The following PPP1R11 variants were observed in gnomAD, a reference collection of about 807,000 sequenced individuals.
PPP1R11 encodes the protein E3 ubiquitin-protein ligase PPP1R11.
PPP1R11 carries 10 observed loss-of-function variants against 11.3 expected under a neutral mutation model. That is an observed-to-expected ratio of 0.88 (90% CI 0.55 to 1.50). The LOEUF (loss-of-function observed/expected upper bound fraction) is 1.50, where lower values mean the gene tolerates loss of function less well. Among genes scored for constraint, PPP1R11 ranks in the 40% most tolerant of loss-of-function variants. The pLI, the probability that PPP1R11 is intolerant of heterozygous loss-of-function variation, is 0.00. For missense variants in PPP1R11, 114 were observed against 179.1 expected (o/e 0.64, Z 2.07); for synonymous variants, 56 against 62.3 (o/e 0.90, Z 0.48).
chr6:30,067,212 C>T lies in PPP1R11; in HGVS notation c.-199C>T. On this transcript the variant is annotated 5_prime_UTR_variant, in exon 1 of 3. Coordinates refer to ENST00000376772, the MANE Select transcript of PPP1R11 (RefSeq NM_021959.3). ...CTGCAGTATGCGTCACACCCGGAAG[C>T]GGCGAGCCGGAAGTGGGGTTAGCCA... is the stretch of plus-strand genomic sequence containing the variant. 1 of 540,904 alleles carries T rather than the reference C, an allele frequency of 1.8e-6. No individual in the cohort carries two copies. The allele number at this position is 540,904 out of a possible 1,614,324, so 33.5% of individuals were successfully genotyped here.
chr6:30,062,394 T>G, upstream of PPP1R11: 1 of 1,234,898 alleles, frequency 8.1e-7, no homozygotes, highest in East Asian at 2.4e-5. Flanking sequence ...ATCCAGTGAT[T>G]TATTTTTTTG....
rs1320901390 is a variant in PPP1R11, at chr6:30,068,499, T to C, written c.70-91T>C. The C allele has an allele frequency of 5.8e-6, 6 of 1,029,730 alleles. No homozygotes were observed. In the Admixed American group the frequency reaches 7.9e-5, roughly 14 times the overall value. 63.8% of individuals were successfully genotyped at this position (1,029,730 alleles called of 1,614,324 possible). On this transcript the variant is annotated intron_variant, in intron 1 of 2. Coordinates refer to ENST00000376772, the MANE Select transcript of PPP1R11 (RefSeq NM_021959.3). The stretch of plus-strand genomic sequence containing the variant: ...GCTATGCCTATGGTACTGATTGAGC[T>C]AAAGAAGAAAAGAGAGGAGGTTCCC...
At chr6:30,061,812 A>G (rs1336652703), upstream of PPP1R11, 12 of 1,550,024 alleles carry the variant, frequency 7.7e-6, no homozygotes, top group Non-Finnish European at 1.1e-5. The surrounding 1 kb of genome is among the most constrained non-coding windows in gnomAD (Gnocchi z 5.0). Context: ...AAACTGAGGG[A>G]AAGGATGTAG....
chr6:30,067,443 C>T lies in PPP1R11; in HGVS notation c.33C>T (p.Thr11=). 6.2e-7 allele frequency: 1 copy of T among 1,614,116 alleles called. No homozygotes were observed. The highest frequency in any genetic ancestry group is 8.5e-7 in the Non-Finnish European group (1 of 1,180,018). Residue 11 remains threonine (T), a synonymous_variant, in exon 1 of 3, where the codon ACC becomes ACT. Transcript: ENST00000376772. ...AGGCAGGGGCTGGGCTGAGCGAGAC[C>T]GTCACTGAGACAACGGTTACCGTGA... MAEAGAGLSE[T]VTETTVTVTT...
chr6:30,066,332 C>T (rs917001466), upstream of PPP1R11, among the ~76,000 whole-genome samples: 13 of 152,290 alleles, frequency 8.5e-5, no homozygotes, highest in Admixed American at 3.9e-4. Context: ...TTAAGCTGCT[C>T]TTCTAAAAAA....
chr6:30,062,328 C>CT, upstream of PPP1R11: 1 of 1,604,156 alleles, frequency 6.2e-7, no homozygotes, highest in Non-Finnish European at 8.5e-7. Flanking sequence ...CCTGTACCAA[C>CT]TGCAAGTGAG....
upstream of PPP1R11, chr6:30,064,674 T>C: frequency 6.2e-7 from 1 of 1,608,112 alleles, no homozygotes; most frequent in Non-Finnish European, 8.5e-7. Context: ...TCCTCATAGG[T>C]TCCAGGAGAA....
rs780450960 is a variant in PPP1R11 at position 30,067,346 on chromosome 6, C to A, written c.-65C>A. 124 of 1,503,978 alleles carry A rather than the reference C, an allele frequency of 8.2e-5. No individual in the cohort carries two copies. Among genetic ancestry groups the A allele is most frequent in the Non-Finnish European group, 1.1e-4 (117 of 1,083,964 alleles). The allele number at this position is 1,503,978 out of a possible 1,614,324, so 93.2% of individuals were successfully genotyped here. Reference sequence around the variant, plus strand: ...CGATACCGCTTCTCTTAGACCTCAGCGACAGAAAAAGGGAAGGGTGTCTCA... The same window carrying A: ...CGATACCGCTTCTCTTAGACCTCAGAGACAGAAAAAGGGAAGGGTGTCTCA... On this transcript the variant is annotated 5_prime_UTR_variant, in exon 1 of 3. Transcript: ENST00000376772.
the PPP1R11 span, chr6:30,061,420 G>C: frequency 7.3e-7 from 1 of 1,373,106 alleles, no homozygotes; most frequent in Non-Finnish European, 1.0e-6. This position sits in a 1 kb window ranked among gnomAD's most constrained non-coding sequence, Gnocchi z 5.0. Flanking sequence ...GAGGGTTCGG[G>C]TTATATACTC....
upstream of PPP1R11, among the ~76,000 whole-genome samples, chr6:30,062,714 CTTTTTTT>C (rs9278555): frequency 4.7e-5 from 2 of 42,378 alleles, no homozygotes; most frequent in African/African-American, 1.0e-4. Flanking sequence ...CCACGCCTGG[CTTTTTTT>C]TTTTTTTTTT....
upstream of PPP1R11, chr6:30,064,641 G>T: frequency 6.3e-7 from 1 of 1,595,234 alleles, no homozygotes; most frequent in Non-Finnish European, 8.5e-7. Context: ...TCATCTTTTG[G>T]TGAATATAAC....
upstream of PPP1R11, chr6:30,062,466 G>A: frequency 3.7e-6 from 2 of 539,984 alleles, no homozygotes; most frequent in Non-Finnish European, 6.7e-6. Flanking sequence ...GTAATAGGGA[G>A]ATTTGTAGTT....
chr6:30,061,523 GCATGTCTGT>G, the PPP1R11 span: 3 of 1,612,902 alleles, frequency 1.9e-6, no homozygotes, highest in South Asian at 3.3e-5. The surrounding 1 kb of genome is among the most constrained non-coding windows in gnomAD (Gnocchi z 5.0). Context: ...AGACCCGACC[GCATGTCTGT>G]CATGGACCTC....
At chr6:30,064,012 T>G (rs1765316533), upstream of PPP1R11, among the ~76,000 whole-genome samples, 2 of 152,306 alleles carry the variant, frequency 1.3e-5, no homozygotes, top group South Asian at 2.1e-4. Context: ...GTTCCCAAAT[T>G]TATGCACGGG....
At chr6:30,066,502 GTAACTACATTCAGATTTA>G (rs1765538860), upstream of PPP1R11, among the ~76,000 whole-genome samples, 1 of 152,230 alleles carries the variant, frequency 6.6e-6, no homozygotes, top group East Asian at 1.9e-4. Context: ...TTGGCAGTAT[GTAACTACATTCAGATTTA>G]CAAATCAGAC....
chr6:30,067,491 G>T lies in PPP1R11; in HGVS notation c.69+12G>T. 6.2e-7 allele frequency: 1 copy of T among 1,612,400 alleles called. No individual in the cohort carries two copies. The stretch of plus-strand genomic sequence containing the variant: ...TGACAACCGAGCCCGTGAGAAAGGC[G>T]GGGGGGCGGTGCTGTTTAGGGGTCT... On this transcript the variant is annotated intron_variant, in intron 1 of 2. Transcript: ENST00000376772.
At chr6:30,061,522 C>G in the PPP1R11 span, 4 of 1,612,988 alleles carry the variant, frequency 2.5e-6, no homozygotes, top group Non-Finnish European at 3.4e-6. This position sits in a 1 kb window ranked among gnomAD's most constrained non-coding sequence, Gnocchi z 5.0. Context: ...CAGACCCGAC[C>G]GCATGTCTGT....
upstream of PPP1R11, among the ~76,000 whole-genome samples, chr6:30,064,261 A>AT (rs1202533663): frequency 1.3e-5 from 2 of 151,086 alleles, no homozygotes; most frequent in Admixed American, 6.6e-5. Flanking sequence ...TTTTAAAAGT[A>AT]TTTTTTTCCT....
chr6:30,068,944 C>A (rs1444021185), intron 2 of PPP1R11, among the ~76,000 whole-genome samples, 160 bp from the exon 3 acceptor site: 2 of 151,884 alleles, frequency 1.3e-5, no homozygotes, highest in Non-Finnish European at 2.9e-5. Context: ...TCTAAGAGGA[C>A]AAGAGGGGTG....
Sources: gnomAD v4.1 joint callset for allele counts (sites outside exome capture counted in the v4.1 genomes callset) on GRCh38, gnomAD v4.1.1 for gene constraint, Gnocchi (gnomAD v3.1) non-coding constraint, MANE v1.5 for transcripts, NCBI Gene and HGNC (gene_info 2026-07-23, HGNC 2026-07-21) for gene names.